SCHIP1: variants seen among roughly 807,000 people sequenced by gnomAD.
SCHIP1 encodes schwannomin interacting protein 1, also known as schwannomin-interacting protein 1.
Under a neutral mutation model 29.7 loss-of-function variants are expected in SCHIP1, and 8 were observed. The ratio of observed to expected loss-of-function variants is 0.27; its 90% CI spans 0.16 to 0.49. The LOEUF is 0.49. Ranked by LOEUF, SCHIP1 falls within the 20% of genes least tolerant of loss-of-function variation. SCHIP1 has a pLI of 0.99. For synonymous variants in SCHIP1, 76 were observed against 94.9 expected, an observed-to-expected ratio of 0.80 and a Z score of 1.16; for missense variants, 193 against 294.6, an observed-to-expected ratio of 0.66 and a Z score of 2.52.
the SCHIP1 span, chr3:159,722,061 T>C: frequency 2.8e-6 from 1 of 361,874 alleles, no homozygotes; most frequent in East Asian, 7.0e-5. Context: ...ATCCCTTCAG[T>C]TGGTTTCTGC....
the SCHIP1 span, among the ~76,000 whole-genome samples, chr3:159,492,866 C>A: frequency 2.6e-5 from 4 of 152,136 alleles, no homozygotes; most frequent in South Asian, 8.3e-4. Context: ...GTCGGGTTAC[C>A]CACAAAGGGA....
At chr3:159,727,627 G>T in the SCHIP1 span, among the ~76,000 whole-genome samples, 1 of 152,202 alleles carries the variant, frequency 6.6e-6, no homozygotes, top group African/African-American at 2.4e-5. Context: ...TATCTTATAG[G>T]ATGAATCAAG....
At chr3:159,546,910 A>G in the SCHIP1 span, among the ~76,000 whole-genome samples, 101,243 of 152,076 alleles carry the variant, frequency 0.67, 33,736 homozygotes, top group South Asian at 0.72. Flanking sequence ...ATAGTAAAAC[A>G]ATTTATAATC....
At chr3:159,432,345 A>T in the SCHIP1 span, among the ~76,000 whole-genome samples, 69 of 86,392 alleles carry the variant, frequency 8.0e-4, no homozygotes, top group East Asian at 5.4e-3. Flanking sequence ...TGTGTGAGAG[A>T]GAGAGAGAGA....
chr3:159,800,578 CT>C, the SCHIP1 span, among the ~76,000 whole-genome samples: 1 of 152,214 alleles, frequency 6.6e-6, no homozygotes, highest in South Asian at 2.1e-4. Context: ...AATTGCTGCT[CT>C]GTGGCTGCAT....
the SCHIP1 span, among the ~76,000 whole-genome samples, chr3:159,411,338 T>C: frequency 1.3e-5 from 2 of 152,122 alleles, no homozygotes; most frequent in Non-Finnish European, 2.9e-5. Flanking sequence ...GGATACCCCA[T>C]TTATCTTGAT....
the SCHIP1 span, among the ~76,000 whole-genome samples, chr3:159,583,650 C>T: frequency 6.6e-6 from 1 of 152,088 alleles, no homozygotes; most frequent in African/African-American, 2.4e-5. Context: ...AAAATATGAG[C>T]CACTGCTTCA....
chr3:159,518,983 G>A, the SCHIP1 span, among the ~76,000 whole-genome samples: 14 of 152,098 alleles, frequency 9.2e-5, no homozygotes, highest in Non-Finnish European at 1.9e-4. Context: ...TTAACTTGAG[G>A]AAATATTTCT....
chr3:159,284,980 A>G, the SCHIP1 span, among the ~76,000 whole-genome samples: 5 of 152,134 alleles, frequency 3.3e-5, no homozygotes, highest in Non-Finnish European at 5.9e-5. Flanking sequence ...AAGATTTTGT[A>G]ATTACATATT....
At chr3:159,691,435 T>G in the SCHIP1 span, among the ~76,000 whole-genome samples, 37 of 127,706 alleles carry the variant, frequency 2.9e-4, no homozygotes, top group Non-Finnish European at 4.9e-4. Context: ...TTTTTTTTTT[T>G]GCTTTCCATT....
At chr3:159,725,709 C>T in the SCHIP1 span, among the ~76,000 whole-genome samples, 1 of 152,198 alleles carries the variant, frequency 6.6e-6, no homozygotes, top group Non-Finnish European at 1.5e-5. Flanking sequence ...CCACAGGTAC[C>T]ACTGGCAATA....
chr3:159,820,124 G>A, the SCHIP1 span, among the ~76,000 whole-genome samples: 31 of 152,258 alleles, frequency 2.0e-4, 1 homozygote, highest in Middle Eastern at 0.014. Flanking sequence ...TGGCAACCAG[G>A]AGAACTCTGC....
chr3:159,342,346 T>TCTAA, the SCHIP1 span, among the ~76,000 whole-genome samples: 2 of 152,230 alleles, frequency 1.3e-5, no homozygotes, highest in South Asian at 2.1e-4. Flanking sequence ...AGTTTCAATT[T>TCTAA]CTAACTCAAA....
chr3:159,736,867 TG>T, the SCHIP1 span, among the ~76,000 whole-genome samples: 1 of 152,132 alleles, frequency 6.6e-6, no homozygotes, highest in African/African-American at 2.4e-5. Context: ...CCTGAGTAGC[TG>T]GGACTACAGG....
chr3:159,424,722 T>A, the SCHIP1 span, among the ~76,000 whole-genome samples: 38 of 151,980 alleles, frequency 2.5e-4, no homozygotes, highest in South Asian at 4.4e-3. Context: ...GAAGAGCAAG[T>A]CCAAGACACA....
At chr3:159,332,711 G>A in the SCHIP1 span, among the ~76,000 whole-genome samples, 1 of 152,056 alleles carries the variant, frequency 6.6e-6, no homozygotes, top group Non-Finnish European at 1.5e-5. Flanking sequence ...TCTAAGCTGT[G>A]GAATTTCAAT....
intron 2 of SCHIP1, among the ~76,000 whole-genome samples, chr3:159,872,312 C>T (rs550866966): frequency 3.3e-5 from 5 of 152,194 alleles, no homozygotes; most frequent in Admixed American, 2.6e-4. Context: ...CTTGGCAGTC[C>T]TCCTTTGGTT....
At chr3:159,283,679 T>C in the SCHIP1 span, among the ~76,000 whole-genome samples, 1 of 152,228 alleles carries the variant, frequency 6.6e-6, no homozygotes, top group African/African-American at 2.4e-5. Context: ...TTGTATTGAT[T>C]TGTATCTTTT....
the SCHIP1 span, among the ~76,000 whole-genome samples, chr3:159,640,848 T>G: frequency 6.6e-6 from 1 of 152,290 alleles, no homozygotes; most frequent in East Asian, 1.9e-4. Context: ...GATAGTTCCC[T>G]GTGAGCAAAA....
Sources: gnomAD v4.1 joint callset for allele counts (sites outside exome capture counted in the v4.1 genomes callset) on GRCh38, gnomAD v4.1.1 for gene constraint, MANE v1.5 for transcripts, NCBI Gene and HGNC (gene_info 2026-07-23, HGNC 2026-07-21) for gene names.